ARHGAP32: variants seen among roughly 807,000 people sequenced by gnomAD.
The protein encoded by ARHGAP32 is Rho GTPase activating protein 32.
Under a neutral mutation model 186.5 loss-of-function variants are expected in ARHGAP32, and 51 were observed. That is an observed-to-expected ratio of 0.27 (90% CI 0.22 to 0.35). The LOEUF (loss-of-function observed/expected upper bound fraction) is 0.35, where lower values mean the gene tolerates loss of function less well. Ranked by LOEUF, ARHGAP32 falls within the 10% of genes least tolerant of loss-of-function variation. The pLI, the probability that ARHGAP32 is intolerant of heterozygous loss-of-function variation, is 1.00. For synonymous variants in ARHGAP32, 950 were observed against 964.3 expected (o/e 0.99, Z 0.27); for missense variants, 2,186 against 2,623.5 (o/e 0.83, Z 3.64).
rs1354951501 is a variant in ARHGAP32 at position 129,058,232 on chromosome 11, C to A, written c.963+4048G>T. Among the ~76,000 whole-genome samples the A allele has an allele frequency of 2.0e-4, 28 of 137,082 alleles. No homozygotes were observed. The East Asian group carries it at 2.1e-3, about 10-fold the overall frequency. The allele number at this position is 137,082 out of a possible 152,430, so 89.9% of individuals were successfully genotyped here. A position where few individuals can be genotyped will look rare whatever the true frequency, so the allele number is the denominator to read the frequency against. On this transcript the variant is annotated intron_variant, in intron 10 of 22. Coordinates refer to ENST00000682385, the MANE Select transcript of ARHGAP32 (RefSeq NM_001378024.1). ...ACACACACACACACACTCTCTCTCT[C>A]TCTCTCTATATATATATATATCTCA... is the stretch of plus-strand genomic sequence containing the variant.
intron 5 of ARHGAP32, among the ~76,000 whole-genome samples, chr11:129,120,098 C>T (rs2135371447): frequency 6.6e-6 from 1 of 152,100 alleles, no homozygotes; most frequent in East Asian, 1.9e-4. Flanking sequence ...TGAAATAATC[C>T]TCCCCAAAAG....
At chr11:129,064,506 G>C (rs193225245) in intron 8 of ARHGAP32, among the ~76,000 whole-genome samples, 28 of 152,148 alleles carry the variant, frequency 1.8e-4, no homozygotes, top group Non-Finnish European at 3.7e-4. Flanking sequence ...TTAAAAAGTT[G>C]TCCCTTGCTA....
chr11:129,073,254 GAC>G (rs1423593469), intron 6 of ARHGAP32, among the ~76,000 whole-genome samples: 2 of 152,074 alleles, frequency 1.3e-5, no homozygotes, highest in Non-Finnish European at 2.9e-5. Flanking sequence ...AAAGACTGAA[GAC>G]ACATCAGAAA....
At chr11:129,209,773 T>C (rs1179436467) in intron 1 of ARHGAP32, among the ~76,000 whole-genome samples, 1 of 152,182 alleles carries the variant, frequency 6.6e-6, no homozygotes, top group Non-Finnish European at 1.5e-5. Context: ...CTGAAGATCA[T>C]AAAATCAATT....
At chr11:129,206,838 G>T (rs1326183196) in intron 1 of ARHGAP32, among the ~76,000 whole-genome samples, 1 of 151,692 alleles carries the variant, frequency 6.6e-6, no homozygotes, top group Non-Finnish European at 1.5e-5. Context: ...ATGTGCCATG[G>T]TGGTTTGCTG....
chr11:129,116,543 G>T (rs1339988608), intron 5 of ARHGAP32, among the ~76,000 whole-genome samples: 1 of 152,032 alleles, frequency 6.6e-6, no homozygotes, highest in African/African-American at 2.4e-5. Context: ...TGTGGCCAGG[G>T]TGAGAATAAA....
At chr11:129,072,162 A>T (rs943842967) in intron 6 of ARHGAP32, among the ~76,000 whole-genome samples, 4 of 152,184 alleles carry the variant, frequency 2.6e-5, no homozygotes, top group African/African-American at 9.7e-5. Flanking sequence ...TGAATCACTA[A>T]AAAAAGAAAT....
intron 1 of ARHGAP32, among the ~76,000 whole-genome samples, chr11:129,236,222 G>A (rs576449989): frequency 6.6e-6 from 1 of 152,096 alleles, no homozygotes; most frequent in Admixed American, 6.6e-5. Flanking sequence ...CTGCATCCAC[G>A]TCAACATCTA....
In ARHGAP32 at chr11:129,207,505, T is replaced by C. The variant is rs1474631451; in HGVS notation, c.-4-43078A>G. ...TAATGAACAGTGATGATAAGCTTTT[T>C]TTCATATGTTTGTTGGCTGCATAAA... On this transcript the variant is annotated intron_variant, in intron 1 of 6. Transcript: ENST00000525234. 6.6e-5 allele frequency among the ~76,000 whole-genome samples: 10 copies of C among 152,236 alleles called. No homozygotes were observed. In the East Asian group the frequency reaches 1.9e-3, roughly 29 times the overall value.
intron 11 of ARHGAP32, among the ~76,000 whole-genome samples, chr11:129,030,182 A>G (rs1939051847): frequency 6.6e-6 from 1 of 152,178 alleles, no homozygotes; most frequent in Non-Finnish European, 1.5e-5. Flanking sequence ...ATTCGGTGCA[A>G]CACTCCAAAT....
At chr11:129,277,446 T>C (rs1945546154) in intron 1 of ARHGAP32, among the ~76,000 whole-genome samples, 1 of 152,186 alleles carries the variant, frequency 6.6e-6, no homozygotes, top group South Asian at 2.1e-4. Flanking sequence ...AACAGTTACA[T>C]AACTGGAGAA....
intron 1 of ARHGAP32, among the ~76,000 whole-genome samples, chr11:129,203,317 G>T (rs1314292874): frequency 1.3e-5 from 2 of 152,120 alleles, no homozygotes; most frequent in African/African-American, 4.8e-5. Context: ...AATAAAATCT[G>T]AGGCAAGTGA....
chr11:129,007,585 C>T (rs1187639110), intron 11 of ARHGAP32, among the ~76,000 whole-genome samples: 1 of 151,988 alleles, frequency 6.6e-6, no homozygotes, highest in Non-Finnish European at 1.5e-5. Context: ...GAGCTGGTAT[C>T]CAAGATGCAA....
intron 1 of ARHGAP32, among the ~76,000 whole-genome samples, chr11:129,178,502 A>T (rs1454937424): frequency 3.3e-5 from 5 of 152,200 alleles, no homozygotes; most frequent in Non-Finnish European, 7.3e-5. Flanking sequence ...CTAAGCCAAA[A>T]GAACAAAGCC....
In ARHGAP32 at chr11:129,223,556, G is replaced by A. The variant is rs1387583165; in HGVS notation, c.-5+55590C>T. ...ATTTTCAAGATATAATCTTGGCATA[G>A]TTTAGGAGAAAAATGTGGAAAAGAT... On this transcript the variant is annotated intron_variant, in intron 1 of 6. Coordinates refer to the ARHGAP32 transcript ENST00000525234. Among the ~76,000 whole-genome samples the A allele has an allele frequency of 2.6e-5, 4 of 152,272 alleles. No homozygotes were observed. The East Asian group carries it at 7.7e-4, about 29-fold the overall frequency.
intron 6 of ARHGAP32, among the ~76,000 whole-genome samples, chr11:129,073,087 T>A (rs1591590043): frequency 6.6e-6 from 1 of 152,228 alleles, no homozygotes; most frequent in Admixed American, 6.5e-5. Flanking sequence ...ACAAAAAGAC[T>A]GAGACCTAAT....
chr11:129,089,571 G>A (rs757478121), intron 6 of ARHGAP32, among the ~76,000 whole-genome samples: 17 of 152,156 alleles, frequency 1.1e-4, no homozygotes, highest in Admixed American at 6.5e-5. Context: ...AGTGAGGAGG[G>A]ATGGTCCTGA....
intron 1 of ARHGAP32, among the ~76,000 whole-genome samples, chr11:129,264,153 GT>G (rs1294597799): frequency 1.3e-5 from 2 of 152,158 alleles, no homozygotes; most frequent in African/African-American, 2.4e-5. Context: ...GACAAATATT[GT>G]ACAGTATAAT....
At chr11:129,193,064 G>C (rs895277609), upstream of ARHGAP32, among the ~76,000 whole-genome samples, 5 of 151,904 alleles carry the variant, frequency 3.3e-5, no homozygotes, top group African/African-American at 1.2e-4. Context: ...GATATTCATG[G>C]CTATTTGTCT....
Sources: gnomAD v4.1 joint callset for allele counts (sites outside exome capture counted in the v4.1 genomes callset) on GRCh38, gnomAD v4.1.1 for gene constraint, MANE v1.5 for transcripts, NCBI Gene and HGNC (gene_info 2026-07-23, HGNC 2026-07-21) for gene names.